EIF2B1: variants seen among roughly 807,000 people sequenced by gnomAD.
The protein encoded by EIF2B1 is translation initiation factor eIF2B subunit alpha.
Under a neutral mutation model 36.8 loss-of-function variants are expected in EIF2B1, and 30 were observed. The ratio of observed to expected loss-of-function variants is 0.81; its 90% confidence interval spans 0.61 to 1.10. The LOEUF (loss-of-function observed/expected upper bound fraction) is 1.10, where lower values mean the gene tolerates loss of function less well. Ranked by LOEUF, EIF2B1 falls within the 50% of genes least tolerant of loss-of-function variation. The probability of loss-of-function intolerance (pLI) is 0.00; values close to 1 mark genes in which losing one functional copy is unlikely to be tolerated. For synonymous variants in EIF2B1, 139 were observed against 142.2 expected (o/e 0.98, Z 0.16); for missense variants, 271 against 374.8 (o/e 0.72, Z 2.29).
Position 123,621,850 on chromosome 12 carries a change from T to C in EIF2B1, c.824A>G (p.Tyr275Cys), listed in dbSNP as rs758746181. 52 of 1,614,074 alleles carry C rather than the reference T, an allele frequency of 3.2e-5. No individual in the cohort carries two copies. The South Asian group carries it at 5.5e-4, about 17-fold the overall frequency. The stretch of plus-strand genomic sequence containing the variant: ...CAGAGTGATTAAGGAAGGGGCAGTG[T>C]AGTCGACCCACGGATGCTCCTCTTT... ...DLKEEHPWVD[Y>C]TAPSLITLLF... is the part of the protein sequence containing the mutation. Residue 275 changes from tyrosine to cysteine, a missense_variant, in exon 9 of 9, where the codon TAC (tyrosine) becomes TGC (cysteine). Coordinates refer to ENST00000424014, the MANE Select transcript of EIF2B1 (RefSeq NM_001414.4).
rs1418023658 is a variant in EIF2B1 at position 123,630,569 on chromosome 12, T to C, written c.116-36A>G. The C allele has an allele frequency of 1.6e-5, 26 of 1,608,438 alleles. No homozygotes were observed. Among genetic ancestry groups the C allele is most frequent in the Non-Finnish European group, 2.2e-5 (26 of 1,179,814 alleles). On this transcript the variant is annotated intron_variant, in intron 2 of 8. Transcript: ENST00000424014. The surrounding 1 kb of genome is among the most constrained non-coding windows in gnomAD (Gnocchi z 4.6). The stretch of plus-strand genomic sequence containing the variant: ...CCAACAAGGAATGTGATGTTCACAT[T>C]AGGGCCACAGCCCCGACCTGTATCT...
In EIF2B1 at chr12:123,621,765, G is replaced by C; in HGVS notation, c.909C>G (p.Leu303=). Residue 303 remains leucine, a synonymous_variant, in exon 9 of 9, where the codon CTC becomes CTG. Transcript: ENST00000424014. ...PSAVSDELIK[L]YL ...GGAAAGGGCTCACAGGTTACAGATAGAGCTTGATGAGCTCATCGCTGACTG... is the reference window on the plus strand; with the variant it reads ...GGAAAGGGCTCACAGGTTACAGATACAGCTTGATGAGCTCATCGCTGACTG... The C allele has an allele frequency of 6.2e-7, 1 of 1,613,664 alleles. No homozygotes were observed. The highest frequency in any genetic ancestry group is 8.5e-7 in the Non-Finnish European group (1 of 1,180,030).
At chr12:123,628,444 C>T (rs988036393) in intron 4 of EIF2B1, among the ~76,000 whole-genome samples, 4 of 148,776 alleles carry the variant, frequency 2.7e-5, no homozygotes, top group African/African-American at 1.0e-4. Context: ...CTCACTGCAG[C>T]CTCAACTTCC....
rs764082686 is a variant in EIF2B1, at chr12:123,633,614, G to T, written c.-57C>A. 3.1e-6 allele frequency: 5 copies of T among 1,599,778 alleles called. No individual in the cohort carries two copies. Among genetic ancestry groups the T allele is most frequent in the Non-Finnish European group, 4.2e-6 (5 of 1,178,690 alleles). On this transcript the variant is annotated 5_prime_UTR_variant, in exon 1 of 9. Coordinates refer to ENST00000424014, the MANE Select transcript of EIF2B1 (RefSeq NM_001414.4). ...CCGAGCCGCCCGCGCTGTCTCGAAC[G>T]GGTCCGCCGGCCGCGCCGCCTGCGA...
Position 123,630,336 on chromosome 12 carries a change from G to A in EIF2B1, c.253-51C>T. 4 of 1,614,084 alleles carry A rather than the reference G, an allele frequency of 2.5e-6. No homozygotes were observed. Among genetic ancestry groups the A allele is most frequent in the Non-Finnish European group, 3.4e-6 (4 of 1,179,952 alleles). ...GGACAGGGAAGATCCAGTTAATGCT[G>A]AGAATGTCTGTCACTAAACAGAGAA... On this transcript the variant is annotated intron_variant, in intron 3 of 8. Coordinates refer to ENST00000424014, the MANE Select transcript of EIF2B1 (RefSeq NM_001414.4). The surrounding 1 kb of genome is among the most constrained non-coding windows in gnomAD (Gnocchi z 4.6).
chr12:123,632,048 T>A (rs531946649), intron 2 of EIF2B1, among the ~76,000 whole-genome samples: 1 of 151,664 alleles, frequency 6.6e-6, no homozygotes, highest in Non-Finnish European at 1.5e-5. Flanking sequence ...AGCGGGCAGA[T>A]TGCCTAAGCT....
rs776365178 is a variant in EIF2B1 at position 123,630,190 on chromosome 12, A to G, written c.348T>C (p.His116=). 1.2e-6 allele frequency: 2 copies of G among 1,614,002 alleles called. No homozygotes were observed. Among genetic ancestry groups the G allele is most frequent in the Non-Finnish European group, 1.7e-6 (2 of 1,180,006 alleles). Residue 116 remains histidine (H), a synonymous_variant, in exon 4 of 9, where the codon CAT becomes CAC. Coordinates refer to ENST00000424014, the MANE Select transcript of EIF2B1 (RefSeq NM_001414.4). The surrounding 1 kb of genome is among the most constrained non-coding windows in gnomAD (Gnocchi z 4.6). ...LSRNKIADLC[H]TFIKDGATIL... Reference sequence around the variant, plus strand: ...TCACCGCTCCATCTTTGATGAAAGTATGGCACAGATCTGCAATTTTGTTTC... The same window carrying G: ...TCACCGCTCCATCTTTGATGAAAGTGTGGCACAGATCTGCAATTTTGTTTC...
At chr12:123,628,479 G>A (rs925691881) in intron 4 of EIF2B1, among the ~76,000 whole-genome samples, 17 of 147,978 alleles carry the variant, frequency 1.1e-4, no homozygotes, top group African/African-American at 3.8e-4. Flanking sequence ...TCTCCCACCT[G>A]AGCCTCCCAA....
Position 123,626,338 on chromosome 12 carries a change from C to T in EIF2B1, c.551+87G>A, listed in dbSNP as rs73414295. 12,385 of 1,528,738 alleles carry T rather than the reference C, an allele frequency of 8.1e-3. 559 individuals are homozygous for T. The African/African-American group carries it at 0.11, about 14-fold the overall frequency. The allele number at this position is 1,528,738 out of a possible 1,614,324, so 94.7% of individuals were successfully genotyped here. ...ACGCTACCTGGTGTGGCTTTATGAA[C>T]GGGACTCAAACTTTCAATCTGAAAA... On this transcript the variant is annotated intron_variant, in intron 6 of 8. Transcript: ENST00000424014.
At chr12:123,626,855 G>T in intron 5 of EIF2B1, 189 bp downstream of exon 5, 1 of 712,062 alleles carries the variant, frequency 1.4e-6, no homozygotes, top group Non-Finnish European at 2.5e-6. Flanking sequence ...GAAACCCCTA[G>T]ATCATATACT....
At position 123,620,580 on chromosome 12, in the gene EIF2B1, TTATATATATATATATA is replaced by T. The variant is rs68169681; in HGVS notation, c.*1160_*1175del. On this transcript the variant is annotated 3_prime_UTR_variant, in exon 9 of 9. Coordinates refer to ENST00000424014, the MANE Select transcript of EIF2B1 (RefSeq NM_001414.4). Reference sequence around the variant, plus strand: ...GGTCACATATAGACATATGTACATATTATATATATATATATATATATATATATATATATATATATAT... The same window carrying T: ...GGTCACATATAGACATATGTACATATTATATATATATATATATATATATAT... 113 of 65,362 alleles carry T rather than the reference TTATATATATATATATA, an allele frequency of 1.7e-3. 2 individuals carry two copies. In the East Asian group the frequency reaches 0.019, roughly 11 times the overall value. The allele number at this position is 65,362 out of a possible 1,614,324, so 4.0% of individuals were successfully genotyped here. A position where few individuals can be genotyped will look rare whatever the true frequency, so the allele number is the denominator to read the frequency against.
rs1256760737 is a variant in EIF2B1 at position 123,632,224 on chromosome 12, C to T, written c.115+121G>A. 12 of 730,086 alleles carry T rather than the reference C, an allele frequency of 1.6e-5. No individual in the cohort carries two copies. The East Asian group carries it at 1.8e-4, about 11-fold the overall frequency. 45.2% of individuals were successfully genotyped at this position (730,086 alleles called of 1,614,324 possible). On this transcript the variant is annotated intron_variant, in intron 2 of 8. Transcript: ENST00000424014. The stretch of plus-strand genomic sequence containing the variant: ...CGGAGGTTGCAGTGAGCCAAGATCT[C>T]GCCACTGCACTCCAGCCTGGGTGAC...
chr12:123,627,049 C>A lies in EIF2B1; in HGVS notation c.477G>T (p.Leu159Phe). The A allele has an allele frequency of 1.2e-6, 2 of 1,614,122 alleles. No individual in the cohort carries two copies. The highest frequency in any genetic ancestry group is 1.7e-6 in the Non-Finnish European group (2 of 1,179,966). Residue 159 changes from leucine to phenylalanine, a missense_variant, in exon 5 of 9, where the codon TTG (leucine) becomes TTT (phenylalanine). Leu to Phe is a conservative substitution (Grantham distance 22, BLOSUM62 0). Transcript: ENST00000424014. ...SVYVTESQPDLSGKKMAKALC... is the reference protein window; with the variant it reads ...SVYVTESQPDFSGKKMAKALC... ...CTGAACAGAAAGGTACTTGCCCTGA[C>A]AAATCAGGCTGTGACTCTGTGACGT... is the stretch of plus-strand genomic sequence containing the variant.
intron 1 of EIF2B1, 120 bp downstream of exon 1, chr12:123,633,425 A>G: frequency 6.8e-7 from 1 of 1,468,330 alleles, no homozygotes; most frequent in Non-Finnish European, 9.5e-7. Context: ...AAACACAACC[A>G]GCGGAGCAGC....
Position 123,624,882 on chromosome 12 carries a change from T to C in EIF2B1, c.552-20A>G. On this transcript the variant is annotated intron_variant, in intron 6 of 8. Coordinates refer to ENST00000424014, the MANE Select transcript of EIF2B1 (RefSeq NM_001414.4). ...ATGTAGCTAAGGGGAAAAAAAGCTT[T>C]TCATGCTTTATTTTCTTGGCTCTAA... 6.2e-7 allele frequency: 1 copy of C among 1,608,654 alleles called. No individual in the cohort carries two copies. Among genetic ancestry groups the C allele is most frequent in the Non-Finnish European group, 8.5e-7 (1 of 1,175,036 alleles).
Position 123,630,684 on chromosome 12 carries a change from A to T in EIF2B1, c.116-151T>A. 8.9e-7 allele frequency: 1 copy of T among 1,121,292 alleles called. No homozygotes were observed. The highest frequency in any genetic ancestry group is 1.3e-6 in the Non-Finnish European group (1 of 768,806). 69.5% of individuals were successfully genotyped at this position (1,121,292 alleles called of 1,614,324 possible). A position where few individuals can be genotyped will look rare whatever the true frequency, so the allele number is the denominator to read the frequency against. On this transcript the variant is annotated intron_variant, in intron 2 of 8. Coordinates refer to ENST00000424014, the MANE Select transcript of EIF2B1 (RefSeq NM_001414.4). The surrounding 1 kb of genome is among the most constrained non-coding windows in gnomAD (Gnocchi z 4.6). ...GATGCTAGGGATACATCAGTGAACA[A>T]GACAGGTAGGGTTCTGCTGTGATGG...
rs774386273 is a variant in EIF2B1 at position 123,624,813 on chromosome 12, C to A, written c.601G>T (p.Val201Phe). 6.2e-7 allele frequency: 1 copy of A among 1,614,030 alleles called. No homozygotes were observed. The highest frequency in any genetic ancestry group is 2.2e-5 in the East Asian group (1 of 44,872). The change falls in exon 7 of 9, where the codon GTT becomes TTT. Residue 201 changes from valine (V) to phenylalanine (F), a missense_variant. Transcript: ENST00000424014. ...TTGTTAATAATTCCTCCGTTTTCAA[C>A]AACTCCTTCAGCACCAACTATGACA... is the stretch of plus-strand genomic sequence containing the variant. The part of the protein sequence containing the change: ...DLVIVGAEGV[V>F]ENGGIINKIG...
At chr12:123,632,525 C>G in intron 1 of EIF2B1, 79 bp from the exon 2 acceptor site, 1 of 961,524 alleles carries the variant, frequency 1.0e-6, no homozygotes, top group South Asian at 1.3e-5. Flanking sequence ...TGACTGTTGA[C>G]TTTAAGAAGC....
intron 6 of EIF2B1, among the ~76,000 whole-genome samples, chr12:123,625,230 G>A (rs1274424491): frequency 6.6e-6 from 1 of 151,932 alleles, no homozygotes; most frequent in Non-Finnish European, 1.5e-5. Context: ...TCTGAAGTTG[G>A]ACAAAAGTGT....
Sources: gnomAD v4.1 joint callset for allele counts (sites outside exome capture counted in the v4.1 genomes callset) on GRCh38, gnomAD v4.1.1 for gene constraint, Gnocchi (gnomAD v3.1) non-coding constraint, MANE v1.5 for transcripts, NCBI Gene and HGNC (gene_info 2026-07-23, HGNC 2026-07-21) for gene names.